PDE3A: variants seen among roughly 807,000 people sequenced by gnomAD.
The protein encoded by PDE3A is cGMP-inhibited 3',5'-cyclic phosphodiesterase 3A.
PDE3A carries 43 observed loss-of-function variants against 98.3 expected under a neutral mutation model. The observed-to-expected ratio is 0.44, with a 90% confidence interval of 0.34 to 0.56. The LOEUF (loss-of-function observed/expected upper bound fraction) is 0.56, where lower values mean the gene tolerates loss of function less well. Among genes scored for constraint, PDE3A ranks in the 20% least tolerant of loss-of-function variants. The probability of loss-of-function intolerance (pLI) is 0.01; values close to 1 mark genes in which losing one functional copy is unlikely to be tolerated. For synonymous variants in PDE3A, 663 were observed against 567.9 expected (o/e 1.17, Z -2.38); for missense variants, 1,427 against 1,440.7 (o/e 0.99, Z 0.15).
At chr12:20,518,960 A>C (rs954330045) in intron 1 of PDE3A, among the ~76,000 whole-genome samples, 4 of 152,290 alleles carry the variant, frequency 2.6e-5, no homozygotes, top group African/African-American at 4.8e-5. Context: ...CATTTCATTT[A>C]ATTGAAATTG....
chr12:20,655,732 G>C (rs934315532), intron 15 of PDE3A, among the ~76,000 whole-genome samples: 1 of 152,182 alleles, frequency 6.6e-6, no homozygotes, highest in Non-Finnish European at 1.5e-5. Context: ...GTTTTGAACG[G>C]AAGAGTTAGT....
Position 20,537,177 on chromosome 12 carries a change from C to T in PDE3A, c.961-19483C>T, listed in dbSNP as rs142053427. Reference sequence around the variant, plus strand: ...CTAATGTTGAGCATCTTCTCATGTACTTGATGACCATTTGTATGTCTTCTT... The same window carrying T: ...CTAATGTTGAGCATCTTCTCATGTATTTGATGACCATTTGTATGTCTTCTT... On this transcript the variant is annotated intron_variant, in intron 1 of 15. Transcript: ENST00000359062. Among the ~76,000 whole-genome samples, 378 of 152,112 alleles carry T rather than the reference C, an allele frequency of 2.5e-3. 1 individual carries two copies. Among genetic ancestry groups the T allele is most frequent in the African/African-American group, 8.7e-3 (362 of 41,506 alleles).
At chr12:20,414,448 G>A (rs895514404) in intron 1 of PDE3A, among the ~76,000 whole-genome samples, 16 of 152,172 alleles carry the variant, frequency 1.1e-4, no homozygotes, top group African/African-American at 3.6e-4. Context: ...TCTAAGTCAT[G>A]CATAGAAAGT....
At chr12:20,464,464 A>G (rs954216029) in intron 1 of PDE3A, among the ~76,000 whole-genome samples, 1 of 151,940 alleles carries the variant, frequency 6.6e-6, no homozygotes, top group Non-Finnish European at 1.5e-5. Flanking sequence ...GTTTTTTCCC[A>G]TTGCTTGGCT....
At chr12:20,610,946 T>C (rs369958074) in intron 2 of PDE3A, among the ~76,000 whole-genome samples, 25 of 151,986 alleles carry the variant, frequency 1.6e-4, no homozygotes, top group African/African-American at 6.0e-4. Context: ...GTAGCAGATA[T>C]ATAGGATGTA....
At chr12:20,638,505 G>A (rs1374527085) in intron 9 of PDE3A, among the ~76,000 whole-genome samples, 2 of 151,990 alleles carry the variant, frequency 1.3e-5, no homozygotes, top group Admixed American at 6.6e-5. Context: ...TTTCTTCTTG[G>A]TGCTAAGCAA....
intron 15 of PDE3A, among the ~76,000 whole-genome samples, chr12:20,669,649 T>C (rs1157315974): frequency 2.0e-5 from 3 of 151,778 alleles, no homozygotes; most frequent in Admixed American, 6.6e-5. Context: ...AAGCAAATGC[T>C]GAGAGATTTT....
At chr12:20,672,197 A>T (rs1025084051) in intron 15 of PDE3A, among the ~76,000 whole-genome samples, 1 of 148,828 alleles carries the variant, frequency 6.7e-6, no homozygotes, top group Non-Finnish European at 1.5e-5. Flanking sequence ...GAAATAAAAG[A>T]GGATAAAAAC....
intron 15 of PDE3A, among the ~76,000 whole-genome samples, chr12:20,665,399 G>T (rs1021659811): frequency 6.6e-6 from 1 of 152,080 alleles, no homozygotes; most frequent in Non-Finnish European, 1.5e-5. Flanking sequence ...ATGTAATTCT[G>T]TGAAAATTTT....
At chr12:20,521,314 A>G (rs996627884) in intron 1 of PDE3A, among the ~76,000 whole-genome samples, 1 of 152,152 alleles carries the variant, frequency 6.6e-6, no homozygotes, top group African/African-American at 2.4e-5. Flanking sequence ...GTGGTACGAA[A>G]GAGGAGTGGT....
rs1945839456 is a variant in PDE3A, at chr12:20,683,110, AT to A, written c.*2841del. 6.6e-6 allele frequency: 1 copy of A among 152,216 alleles called. No individual in the cohort carries two copies. Among genetic ancestry groups the A allele is most frequent in the Admixed American group, 6.5e-5 (1 of 15,286 alleles). The allele number at this position is 152,216 out of a possible 1,614,324, so 9.4% of individuals were successfully genotyped here. On this transcript the variant is annotated 3_prime_UTR_variant, in exon 16 of 16. Transcript: ENST00000359062. ...TTGATACATTTTTCTTTAAAAATAA[AT>A]TGCTATTACAGCTAGACGTCAATTG... is the stretch of plus-strand genomic sequence containing the variant.
intron 1 of PDE3A, chr12:20,449,923 G>A: frequency 1.2e-6 from 1 of 802,986 alleles, no homozygotes; most frequent in Non-Finnish European, 2.0e-6. Context: ...GAACTCTGCT[G>A]GAAAGTTGAT....
intron 10 of PDE3A, among the ~76,000 whole-genome samples, chr12:20,645,949 T>C (rs1944766003): frequency 6.6e-6 from 1 of 152,244 alleles, no homozygotes; most frequent in Admixed American, 6.5e-5. Context: ...TAATTGATTG[T>C]GGCTTTGAAT....
At chr12:20,672,099 T>G (rs553592837) in intron 15 of PDE3A, among the ~76,000 whole-genome samples, 1,651 of 151,656 alleles carry the variant, frequency 0.011, 17 homozygotes, top group Non-Finnish European at 0.019. Flanking sequence ...CATTCACAAT[T>G]GCTTCAAAGA....
intron 13 of PDE3A, 99 bp from the exon 14 acceptor site, chr12:20,650,346 A>G (rs1157967003): frequency 1.8e-5 from 12 of 685,548 alleles, no homozygotes; most frequent in African/African-American, 3.6e-5. Context: ...TATGATCCCT[A>G]TATAATATGA....
At chr12:20,444,870 A>G (rs1401841360) in intron 1 of PDE3A, among the ~76,000 whole-genome samples, 1 of 152,208 alleles carries the variant, frequency 6.6e-6, no homozygotes, top group Non-Finnish European at 1.5e-5. Flanking sequence ...TAGAAACAGG[A>G]AGTGTTTGCT....
At chr12:20,410,418 T>C (rs1172338232) in intron 1 of PDE3A, among the ~76,000 whole-genome samples, 1 of 152,194 alleles carries the variant, frequency 6.6e-6, no homozygotes, top group African/African-American at 2.4e-5. Context: ...TGAAACATAA[T>C]TTCTGTTCTT....
chr12:20,560,079 A>G (rs141140450), intron 2 of PDE3A, among the ~76,000 whole-genome samples: 1 of 152,244 alleles, frequency 6.6e-6, no homozygotes, highest in Non-Finnish European at 1.5e-5. Context: ...TAGATGAAAG[A>G]TGATGACTTC....
intron 1 of PDE3A, among the ~76,000 whole-genome samples, chr12:20,443,153 C>G (rs1350232137): frequency 6.6e-6 from 1 of 151,798 alleles, no homozygotes; most frequent in Non-Finnish European, 1.5e-5. Context: ...GTATTTGCCC[C>G]TAGTTTAATT....
Sources: allele counts gnomAD v4.1 joint callset (sites outside exome capture counted in the v4.1 genomes callset), GRCh38; gene constraint gnomAD v4.1.1; transcripts MANE v1.5; gene names NCBI Gene and HGNC (gene_info 2026-07-23, HGNC 2026-07-21).